MTHFD2L: variants seen among roughly 807,000 people sequenced by gnomAD.
The protein encoded by MTHFD2L is bifunctional methylenetetrahydrofolate dehydrogenase/cyclohydrolase 2, mitochondrial.
Under a neutral mutation model 34.9 loss-of-function variants are expected in MTHFD2L, and 29 were observed. The ratio of observed to expected loss-of-function variants is 0.83; its 90% CI spans 0.62 to 1.13. The LOEUF (loss-of-function observed/expected upper bound fraction) is 1.13. MTHFD2L is among the 50% of genes most tolerant of loss of function. The pLI is 0.00. For missense variants in MTHFD2L, 481 were observed against 446.5 expected (o/e 1.08, Z -0.70); for synonymous variants, 167 against 155.7 (o/e 1.07, Z -0.54).
Position 74,247,810 on chromosome 4 carries a change from T to C in MTHFD2L, c.805+22416T>C, listed in dbSNP as rs535074871. On this transcript the variant is annotated intron_variant, in intron 6 of 7. Transcript: ENST00000325278. ...ATGATTTGCATATATTGAACCAGCC[T>C]TGCATCCCAGGGATGAAGCCCACTT... Among the ~76,000 whole-genome samples the C allele has an allele frequency of 6.7e-3, 1,017 of 152,292 alleles. 15 individuals carry two copies. The highest frequency in any genetic ancestry group is 0.022 in the African/African-American group (911 of 41,556).
At chr4:74,178,336 TTTG>T (rs1729450307) in intron 3 of MTHFD2L, among the ~76,000 whole-genome samples, 1 of 152,146 alleles carries the variant, frequency 6.6e-6, no homozygotes, top group Admixed American at 6.6e-5. Flanking sequence ...CAAATTTTTC[TTTG>T]TTAATTTAAA....
intron 1 of MTHFD2L, among the ~76,000 whole-genome samples, chr4:74,139,007 A>G (rs761741179): frequency 7.2e-5 from 11 of 152,228 alleles, no homozygotes; most frequent in East Asian, 1.9e-4. Flanking sequence ...AGGTAGGTGC[A>G]GTCACCTTCC....
intron 3 of MTHFD2L, among the ~76,000 whole-genome samples, chr4:74,186,736 C>T (rs538594838): frequency 6.6e-6 from 1 of 152,030 alleles, no homozygotes; most frequent in Non-Finnish European, 1.5e-5. Context: ...AGACTAAATA[C>T]TGTTAAAATA....
intron 6 of MTHFD2L, among the ~76,000 whole-genome samples, chr4:74,261,909 T>C (rs1744725712): frequency 6.6e-6 from 1 of 152,022 alleles, no homozygotes; most frequent in Admixed American, 6.6e-5. Flanking sequence ...TAAGGTCAAA[T>C]AGAGATAATA....
At chr4:74,234,455 T>C (rs1190649674) in intron 6 of MTHFD2L, among the ~76,000 whole-genome samples, 1 of 152,098 alleles carries the variant, frequency 6.6e-6, no homozygotes, top group Non-Finnish European at 1.5e-5. Flanking sequence ...TCTATAATAC[T>C]CAATTGCTGA....
intron 6 of MTHFD2L, among the ~76,000 whole-genome samples, chr4:74,245,194 CAAAAAA>C (rs57639523): frequency 3.0e-5 from 2 of 66,392 alleles, no homozygotes; most frequent in African/African-American, 6.3e-5. Context: ...GACTCAGTCT[CAAAAAA>C]AAAAAAAAAA....
At chr4:74,165,607 C>T (rs540980575) in intron 1 of MTHFD2L, among the ~76,000 whole-genome samples, 6 of 152,318 alleles carry the variant, frequency 3.9e-5, no homozygotes, top group African/African-American at 9.6e-5. Context: ...CCACCCGCCT[C>T]GGCCCCTCAA....
At chr4:74,270,445 T>A (rs1480825576) in intron 6 of MTHFD2L, among the ~76,000 whole-genome samples, 1 of 152,118 alleles carries the variant, frequency 6.6e-6, no homozygotes, top group Non-Finnish European at 1.5e-5. Flanking sequence ...CTTGCAACAG[T>A]TTGCTGAGAA....
chr4:74,171,464 CT>C (rs1727971288), intron 1 of MTHFD2L, among the ~76,000 whole-genome samples: 1 of 152,130 alleles, frequency 6.6e-6, no homozygotes, highest in Non-Finnish European at 1.5e-5. Context: ...TAAACATACA[CT>C]TACGATGTGA....
intron 6 of MTHFD2L, among the ~76,000 whole-genome samples, chr4:74,244,546 A>T (rs1032523796): frequency 6.6e-6 from 1 of 152,148 alleles, no homozygotes; most frequent in African/African-American, 2.4e-5. Context: ...CAATAGTGCT[A>T]CTAATGAATG....
At chr4:74,275,016 G>A (rs1037161174) in intron 6 of MTHFD2L, among the ~76,000 whole-genome samples, 4 of 152,020 alleles carry the variant, frequency 2.6e-5, no homozygotes, top group East Asian at 3.8e-4. Flanking sequence ...ATAGGTATCC[G>A]TATGCCATGG....
intron 1 of MTHFD2L, among the ~76,000 whole-genome samples, chr4:74,131,430 A>G (rs1209080277): frequency 6.6e-6 from 1 of 152,044 alleles, no homozygotes; most frequent in Non-Finnish European, 1.5e-5. Flanking sequence ...AAATAACACC[A>G]CTCATCTACA....
intron 6 of MTHFD2L, chr4:74,267,790 CTT>C: frequency 1.0e-6 from 1 of 985,338 alleles, no homozygotes; most frequent in Non-Finnish European, 1.2e-6. Flanking sequence ...GGTCCATTGA[CTT>C]TGCAGAAATA....
At chr4:74,133,076 G>A (rs114794794) in intron 1 of MTHFD2L, among the ~76,000 whole-genome samples, 12 of 152,158 alleles carry the variant, frequency 7.9e-5, no homozygotes, top group Non-Finnish European at 1.5e-4. Flanking sequence ...TGCAAGACGG[G>A]TCTAGTAGTG....
At chr4:74,164,069 G>A (rs2109909984) in intron 1 of MTHFD2L, among the ~76,000 whole-genome samples, 1 of 152,272 alleles carries the variant, frequency 6.6e-6, no homozygotes, top group South Asian at 2.1e-4. Flanking sequence ...TAGGGACGGG[G>A]TTTCACCGTG....
At chr4:74,163,452 A>T (rs1725905306) in intron 1 of MTHFD2L, among the ~76,000 whole-genome samples, 1 of 152,230 alleles carries the variant, frequency 6.6e-6, no homozygotes, top group Admixed American at 6.5e-5. Flanking sequence ...AACAATGGAT[A>T]TTGTTTAGTA....
At chr4:74,229,781 CTA>C (rs1739727879) in intron 6 of MTHFD2L, among the ~76,000 whole-genome samples, 1 of 152,138 alleles carries the variant, frequency 6.6e-6, no homozygotes, top group African/African-American at 2.4e-5. Flanking sequence ...CCCTGTCACA[CTA>C]TGCAATTAGA....
intron 1 of MTHFD2L, chr4:74,161,842 C>A (rs1438070401): frequency 6.6e-6 from 1 of 152,108 alleles, no homozygotes; most frequent in Non-Finnish European, 1.5e-5. Flanking sequence ...TTCATGGGCA[C>A]GTACTCTTTC....
chr4:74,224,044 A>G (rs747202438), intron 5 of MTHFD2L: 5 of 152,068 alleles, frequency 3.3e-5, no homozygotes, highest in Non-Finnish European at 5.9e-5. Flanking sequence ...TCTACTGTTT[A>G]CAGGACACTT....
Sources: allele counts gnomAD v4.1 joint callset (sites outside exome capture counted in the v4.1 genomes callset), GRCh38; gene constraint gnomAD v4.1.1; transcripts MANE v1.5; gene names NCBI Gene and HGNC (gene_info 2026-07-23, HGNC 2026-07-21).